Variants in SHB observed in about 807,000 individuals in gnomAD.
The protein encoded by SHB is SH2 domain containing adaptor protein B, also known as SH2 domain-containing adapter protein B.
A neutral mutation model predicts 52.3 loss-of-function variants in SHB; 20 were observed. The ratio of observed to expected loss-of-function variants is 0.38; its 90% CI spans 0.27 to 0.56. SHB has a LOEUF of 0.56. SHB is among the 20% of genes least tolerant of loss of function. The probability of loss-of-function intolerance (pLI) is 0.71; values close to 1 mark genes in which losing one functional copy is unlikely to be tolerated. For synonymous variants in SHB, 397 were observed against 316.5 expected, an observed-to-expected ratio of 1.25 and a Z score of -2.70; for missense variants, 825 against 723.3, an observed-to-expected ratio of 1.14 and a Z score of -1.61.
intron 5 of SHB, among the ~76,000 whole-genome samples, chr9:37,925,662 G>C (rs1009550657): frequency 6.6e-6 from 1 of 152,130 alleles, no homozygotes; most frequent in Non-Finnish European, 1.5e-5. Context: ...AAGTGGCTGC[G>C]TCTTTTCTTC....
rs151176003 is a variant in SHB, at chr9:37,933,656, A to G, written c.1347-13652T>C. 3.9e-3 allele frequency among the ~76,000 whole-genome samples: 598 copies of G among 152,254 alleles called. 2 individuals carry two copies. Among genetic ancestry groups the G allele is most frequent in the African/African-American group, 0.014 (584 of 41,530 alleles). On this transcript the variant is annotated intron_variant, in intron 5 of 5. Transcript: ENST00000377707. ...TGCATGTTCAAGTTTGAGAATCATC[A>G]TTCTAGTTCCATCTAATGATGGAAA... is the stretch of plus-strand genomic sequence containing the variant.
chr9:38,047,904 C>T (rs1378447539), intron 1 of SHB, among the ~76,000 whole-genome samples: 4 of 152,320 alleles, frequency 2.6e-5, no homozygotes, highest in South Asian at 2.1e-4. Context: ...AAGTCCCGAT[C>T]GAACACTAAG....
chr9:38,068,418 G>A lies in SHB; in HGVS notation c.228C>T (p.Ser76=), dbSNP rs1156585985. ...GGTAGGCGCGGATGAGGTCGCTGGT[G>A]CTGCCGCTGTCGTCGGGCAGCGAGC... ...SSGSLPDDSG[S]TSDLIRAYRA... is the part of the protein sequence containing the mutation. Residue 76 remains serine (S), a synonymous_variant, in exon 1 of 6, where the codon AGC becomes AGT. Transcript: ENST00000377707. 1.9e-6 allele frequency: 3 copies of A among 1,567,654 alleles called. No homozygotes were observed. Among genetic ancestry groups the A allele is most frequent in the Non-Finnish European group, 2.6e-6 (3 of 1,161,092 alleles).
chr9:37,984,260 G>A (rs1427955683), intron 2 of SHB, among the ~76,000 whole-genome samples: 4 of 152,160 alleles, frequency 2.6e-5, no homozygotes, highest in Non-Finnish European at 5.9e-5. Flanking sequence ...GCTGACTGAA[G>A]CCTCACAGGC....
chr9:37,977,617 C>A (rs550322165), intron 2 of SHB, among the ~76,000 whole-genome samples: 2 of 152,286 alleles, frequency 1.3e-5, no homozygotes, highest in African/African-American at 4.8e-5. Context: ...TGTCACTTTA[C>A]GGTGAAGACC....
Position 37,917,199 on chromosome 9 carries a change from G to C in SHB, c.*2622C>G, listed in dbSNP as rs1393648345. On this transcript the variant is annotated 3_prime_UTR_variant, in exon 6 of 6. Transcript: ENST00000377707. ...GTCACAATTAGAGGAAGAAGAGGGAGAGGTTCATAAAATTAAGGGAAAAAA... is the reference window on the plus strand; with the variant it reads ...GTCACAATTAGAGGAAGAAGAGGGACAGGTTCATAAAATTAAGGGAAAAAA... Among the ~76,000 whole-genome samples the C allele has an allele frequency of 6.6e-6, 1 of 152,202 alleles. No individual in the cohort carries two copies. The highest frequency in any genetic ancestry group is 2.4e-5 in the African/African-American group (1 of 41,450).
At chr9:37,953,352 T>C (rs1414220085) in intron 4 of SHB, among the ~76,000 whole-genome samples, 2 of 151,994 alleles carry the variant, frequency 1.3e-5, no homozygotes, top group African/African-American at 4.8e-5. Flanking sequence ...AGTGGTGACC[T>C]AGACAAGTTC....
At chr9:37,979,494 A>C (rs1283275981) in intron 2 of SHB, among the ~76,000 whole-genome samples, 1 of 152,156 alleles carries the variant, frequency 6.6e-6, no homozygotes, top group Admixed American at 6.5e-5. Context: ...AATGTGGAGA[A>C]GGTAAGGGCT....
At chr9:37,997,209 G>T (rs193179931) in intron 2 of SHB, among the ~76,000 whole-genome samples, 113 of 152,310 alleles carry the variant, frequency 7.4e-4, no homozygotes, top group Non-Finnish European at 1.4e-3. Flanking sequence ...GCCGGCCACA[G>T]GCTGTATCTC....
At chr9:38,016,876 C>T (rs1821220711) in intron 1 of SHB, among the ~76,000 whole-genome samples, 1 of 152,218 alleles carries the variant, frequency 6.6e-6, no homozygotes, top group African/African-American at 2.4e-5. Context: ...CCCCACTTGT[C>T]TGTAGTCCAG....
chr9:38,038,220 C>A (rs1013054994), intron 1 of SHB, among the ~76,000 whole-genome samples: 2 of 152,186 alleles, frequency 1.3e-5, no homozygotes, highest in Admixed American at 1.3e-4. Context: ...GGCGCACAGG[C>A]ACCAGGCGTG....
chr9:37,957,546 C>T (rs1832649849), intron 3 of SHB, among the ~76,000 whole-genome samples: 1 of 152,188 alleles, frequency 6.6e-6, no homozygotes, highest in African/African-American at 2.4e-5. Flanking sequence ...CCGGACCCAC[C>T]CACTTTCTGG....
At chr9:37,959,989 A>G (rs1049477578) in intron 3 of SHB, among the ~76,000 whole-genome samples, 9 of 151,968 alleles carry the variant, frequency 5.9e-5, no homozygotes, top group South Asian at 4.2e-4. Flanking sequence ...CTTTATTGGG[A>G]AAAAAAAATC....
chr9:38,033,089 G>A (rs902970697), intron 1 of SHB, among the ~76,000 whole-genome samples: 9 of 152,172 alleles, frequency 5.9e-5, no homozygotes, highest in Middle Eastern at 3.2e-3. Flanking sequence ...ATCTGGTTAG[G>A]GTGAGACCAG....
At chr9:38,015,948 C>G in intron 2 of SHB, 63 bp downstream of exon 2, 116 of 1,525,942 alleles carry the variant, frequency 7.6e-5, no homozygotes, top group Non-Finnish European at 9.5e-5. Context: ...CCCGGCAGTG[C>G]CCTCACTCCC....
At chr9:38,008,075 T>C (rs1821093110) in intron 2 of SHB, among the ~76,000 whole-genome samples, 1 of 152,204 alleles carries the variant, frequency 6.6e-6, no homozygotes, top group Non-Finnish European at 1.5e-5. Context: ...TGGGCCCCTG[T>C]CCACCTTCCC....
At chr9:37,935,460 G>A (rs1485562393) in intron 5 of SHB, among the ~76,000 whole-genome samples, 1 of 152,208 alleles carries the variant, frequency 6.6e-6, no homozygotes, top group Admixed American at 6.5e-5. Context: ...TTGTTGAAGG[G>A]ATGGAGGGCT....
At chr9:37,998,792 C>T (rs1005897854) in intron 2 of SHB, among the ~76,000 whole-genome samples, 1 of 152,206 alleles carries the variant, frequency 6.6e-6, no homozygotes, top group African/African-American at 2.4e-5. Context: ...CAGGGACAAA[C>T]AGGAAATCCA....
chr9:38,020,701 A>G (rs1587247647), intron 1 of SHB, among the ~76,000 whole-genome samples: 1 of 152,196 alleles, frequency 6.6e-6, no homozygotes. Flanking sequence ...ACAAATCACC[A>G]CTAAAGAACT....
Sources: gnomAD v4.1 joint callset for allele counts (sites outside exome capture counted in the v4.1 genomes callset) on GRCh38, gnomAD v4.1.1 for gene constraint, MANE v1.5 for transcripts, NCBI Gene and HGNC (gene_info 2026-07-23, HGNC 2026-07-21) for gene names.